Variants in RBM48 observed in about 807,000 individuals in gnomAD.
The protein encoded by RBM48 is RNA binding motif protein 48.
Under a neutral mutation model 34.8 loss-of-function variants are expected in RBM48, and 32 were observed. The observed-to-expected ratio is 0.92, with a 90% confidence interval of 0.69 to 1.23. RBM48 has a LOEUF of 1.23. Ranked by LOEUF, RBM48 falls within the 50% of genes most tolerant of loss-of-function variation. RBM48 has a pLI of 0.00. For synonymous variants in RBM48, 151 were observed against 156.2 expected (o/e 0.97, Z 0.25); for missense variants, 441 against 447.2 (o/e 0.99, Z 0.12).
intron 1 of RBM48, chr7:92,529,203 T>G: frequency 1.7e-6 from 1 of 573,490 alleles, no homozygotes; most frequent in Non-Finnish European, 3.1e-6. Context: ...CAGTGAATAT[T>G]CGTTGAGTGA....
rs1269162986 is a variant in RBM48 at position 92,539,017 on chromosome 7, T to G, written c.*2080T>G. Among the ~76,000 whole-genome samples, 1 of 152,138 alleles carries G rather than the reference T, an allele frequency of 6.6e-6. No homozygotes were observed. Among genetic ancestry groups the G allele is most frequent in the Non-Finnish European group, 1.5e-5 (1 of 68,016 alleles). ...AAGCAGCAAAACAAAACAAAAAGAT[T>G]CAAATTAAGTTGGTTTGGGTGGGGC... On this transcript the variant is annotated 3_prime_UTR_variant, in exon 5 of 5. Transcript: ENST00000265732.
intron 4 of RBM48, chr7:92,535,399 A>G: frequency 9.7e-7 from 1 of 1,036,048 alleles, no homozygotes; most frequent in Middle Eastern, 4.6e-4. Flanking sequence ...TGCTTTTGTG[A>G]TAAAGAGCAA....
chr7:92,538,400 CTGT>C lies in RBM48; in HGVS notation c.*1468_*1470del, dbSNP rs1234490991. 2.0e-5 allele frequency among the ~76,000 whole-genome samples: 3 copies of C among 152,136 alleles called. No individual in the cohort carries two copies. The highest frequency in any genetic ancestry group is 4.8e-5 in the African/African-American group (2 of 41,410). The stretch of plus-strand genomic sequence containing the variant: ...GTTGGTTTTGCCACTGGCTCCATTC[CTGT>C]TGTTTTTCAGCTTTTACTCCCTCCT... On this transcript the variant is annotated 3_prime_UTR_variant, in exon 5 of 5. Coordinates refer to ENST00000265732, the MANE Select transcript of RBM48 (RefSeq NM_032120.4).
rs1562878247 is a variant in RBM48 at position 92,534,987 on chromosome 7, A to G, written c.1017+17A>G. On this transcript the variant is annotated intron_variant, in intron 4 of 4. Coordinates refer to ENST00000265732, the MANE Select transcript of RBM48 (RefSeq NM_032120.4). The stretch of plus-strand genomic sequence containing the variant: ...CTTAAAGAGGTAAGGTTATTTTTAA[A>G]AAACTATTCTAAGACACGATTTGGT... The G allele has an allele frequency of 6.2e-7, 1 of 1,613,230 alleles. No homozygotes were observed. The highest frequency in any genetic ancestry group is 1.3e-5 in the African/African-American group (1 of 74,914).
At chr7:92,532,653 C>T in intron 3 of RBM48, 104 bp downstream of exon 3, 1 of 776,768 alleles carries the variant, frequency 1.3e-6, no homozygotes, top group East Asian at 2.7e-5. Context: ...AGTAAACCAT[C>T]ACAGTATTCA....
At chr7:92,535,075 A>G (rs370711555) in intron 4 of RBM48, 105 bp downstream of exon 4, 1 of 1,508,444 alleles carries the variant, frequency 6.6e-7, no homozygotes, top group Non-Finnish European at 8.9e-7. Flanking sequence ...TTCACTTTTT[A>G]GTGTTTTGAT....
intron 2 of RBM48, among the ~76,000 whole-genome samples, chr7:92,531,494 T>C (rs1365583952): frequency 2.6e-5 from 4 of 152,262 alleles, no homozygotes; most frequent in African/African-American, 9.6e-5. Flanking sequence ...TTTCTTGTGC[T>C]ATCAGTAGAA....
intron 1 of RBM48, 59 bp downstream of exon 1, chr7:92,528,983 A>G: frequency 2.5e-6 from 3 of 1,213,146 alleles, no homozygotes; most frequent in African/African-American, 1.5e-5. Context: ...TGCTAGCGCC[A>G]TATGACCAGC....
At position 92,529,578 on chromosome 7, in the gene RBM48, A is replaced by G. The variant is rs757956253; in HGVS notation, c.214A>G (p.Ile72Val). ...LVERFALYGA[I>V]EQYNALDEYP... Reference sequence around the variant, plus strand: ...TGAGCGATTCGCTTTATATGGTGCAATTGAACAGTACAATGCTCTAGATGA... The same window carrying G: ...TGAGCGATTCGCTTTATATGGTGCAGTTGAACAGTACAATGCTCTAGATGA... Residue 72 changes from isoleucine (I) to valine (V), a missense_variant, in exon 2 of 5, where the codon ATT (isoleucine) becomes GTT (valine). Transcript: ENST00000265732. 8 of 1,610,974 alleles carry G rather than the reference A, an allele frequency of 5.0e-6. No homozygotes were observed. Among genetic ancestry groups the G allele is most frequent in the South Asian group, 1.1e-5 (1 of 90,976 alleles).
chr7:92,528,845 TATTTG>T lies in RBM48; in HGVS notation c.35_39del (p.Phe12SerfsTer51). The T allele has an allele frequency of 1.2e-6, 2 of 1,614,112 alleles. No individual in the cohort carries two copies. Among genetic ancestry groups the T allele is most frequent in the Middle Eastern group, 1.7e-4 (1 of 6,060 alleles). On this transcript the variant is annotated frameshift_variant, in exon 1 of 5. Coordinates refer to ENST00000265732, the MANE Select transcript of RBM48 (RefSeq NM_032120.4). LOFTEE classifies it high-confidence loss of function. Reference sequence around the variant, plus strand: ...TCGAGCGGCGGGGAGCTAGGGAGTTTATTTGATCACCACGTCCAGAGGGCGGTATG... The same window carrying T: ...TCGAGCGGCGGGGAGCTAGGGAGTTTATCACCACGTCCAGAGGGCGGTATG...
Position 92,536,844 on chromosome 7 carries a change from T to A in RBM48, c.1018-7T>A, listed in dbSNP as rs78834523. ...AGTTTTAATGGTTCTTTTTTTTTTT[T>A]AATTAGGTAATTTCATCTGTGCCAA... On this transcript the variant is annotated splice_polypyrimidine_tract_variant and splice_region_variant and intron_variant, in intron 4 of 4. Coordinates refer to ENST00000265732, the MANE Select transcript of RBM48 (RefSeq NM_032120.4). 2.0e-5 allele frequency: 31 copies of A among 1,568,416 alleles called. No individual in the cohort carries two copies. The highest frequency in any genetic ancestry group is 6.0e-5 in the South Asian group (5 of 82,932).
At chr7:92,535,445 A>G in intron 4 of RBM48, 1 of 1,004,324 alleles carries the variant, frequency 1.0e-6, no homozygotes, top group Non-Finnish European at 1.2e-6. Context: ...TTAGGCCTCC[A>G]GGTATGCATT....
Position 92,529,456 on chromosome 7 carries a change from T to C in RBM48, c.112-20T>C. The stretch of plus-strand genomic sequence containing the variant: ...AGGCTTATTTGCGAAATACGTTTAA[T>C]AACTCTGCATTTCTTTCAGGTATAT... On this transcript the variant is annotated intron_variant, in intron 1 of 4. Coordinates refer to ENST00000265732, the MANE Select transcript of RBM48 (RefSeq NM_032120.4). The C allele has an allele frequency of 6.7e-7, 1 of 1,482,600 alleles. No homozygotes were observed. The highest frequency in any genetic ancestry group is 9.3e-7 in the Non-Finnish European group (1 of 1,080,426). 91.8% of individuals were successfully genotyped at this position (1,482,600 alleles called of 1,614,324 possible). A position where few individuals can be genotyped will look rare whatever the true frequency, so the allele number is the denominator to read the frequency against.
At position 92,528,901 on chromosome 7, in the gene RBM48, G is replaced by A; in HGVS notation, c.88G>A (p.Gly30Arg). The change falls in exon 1 of 5, where the codon GGA (glycine) becomes AGA (arginine). Residue 30 changes from glycine (G) to arginine (R), a missense_variant. Physicochemically the swap from Gly to Arg is moderately radical, Grantham distance 125. Coordinates refer to ENST00000265732, the MANE Select transcript of RBM48 (RefSeq NM_032120.4). ...VCDTRAKYRE[G>R]RRPRAVKVYT... ...CGACACACGGGCCAAATATCGAGAG[G>A]GACGACGGCCTCGTGCTGTGAAGGT... 6.2e-7 allele frequency: 1 copy of A among 1,613,938 alleles called. No individual in the cohort carries two copies. Among genetic ancestry groups the A allele is most frequent in the Non-Finnish European group, 8.5e-7 (1 of 1,179,888 alleles).
At chr7:92,532,294 G>T (rs747133287) in intron 2 of RBM48, 110 bp from the exon 3 acceptor site, 3 of 849,562 alleles carry the variant, frequency 3.5e-6, no homozygotes, top group Admixed American at 2.3e-5. Context: ...ATATATACAC[G>T]TAGCAAAAGC....
At position 92,540,171 on chromosome 7, in the gene RBM48, T is replaced by C. The variant is rs1793827405; in HGVS notation, c.*3234T>C. On this transcript the variant is annotated 3_prime_UTR_variant, in exon 5 of 5. Coordinates refer to ENST00000265732, the MANE Select transcript of RBM48 (RefSeq NM_032120.4). ...GATTGCCTTGACTTCAGCAGTGGGC[T>C]GCAGCCCAACAGAGGAGAGTGTCTA... is the stretch of plus-strand genomic sequence containing the variant. 1 of 152,258 alleles carries C rather than the reference T, an allele frequency of 6.6e-6. No homozygotes were observed. The highest frequency in any genetic ancestry group is 1.5e-5 in the Non-Finnish European group (1 of 68,052). 9.4% of individuals were successfully genotyped at this position (152,258 alleles called of 1,614,324 possible).
chr7:92,538,514 T>A lies in RBM48; in HGVS notation c.*1577T>A, dbSNP rs1793780743. ...AACTAGGATGGCTCCAAGTGGTAGA[T>A]GGTACTAACAGCAAGCTGCAGATAA... On this transcript the variant is annotated 3_prime_UTR_variant, in exon 5 of 5. Transcript: ENST00000265732. Among the ~76,000 whole-genome samples, 1 of 152,182 alleles carries A rather than the reference T, an allele frequency of 6.6e-6. No individual in the cohort carries two copies. Among genetic ancestry groups the A allele is most frequent in the Admixed American group, 6.6e-5 (1 of 15,262 alleles).
At chr7:92,532,974 G>A (rs1178415970) in intron 3 of RBM48, among the ~76,000 whole-genome samples, 2 of 152,250 alleles carry the variant, frequency 1.3e-5, no homozygotes. Flanking sequence ...GGAGGGCCTT[G>A]TGTCCCATGC....
intron 1 of RBM48, 39 bp downstream of exon 1, chr7:92,528,963 T>A (rs1585270930): frequency 7.1e-7 from 1 of 1,406,534 alleles, no homozygotes. Flanking sequence ...CCTCGGTAGC[T>A]TTATGTGAGT....
Sources: gnomAD v4.1 joint callset for allele counts (sites outside exome capture counted in the v4.1 genomes callset) on GRCh38, gnomAD v4.1.1 for gene constraint, MANE v1.5 for transcripts, NCBI Gene and HGNC (gene_info 2026-07-23, HGNC 2026-07-21) for gene names.